Variants in DNAH6 observed in about 807,000 individuals in gnomAD.
The protein encoded by DNAH6 is dynein axonemal heavy chain 6.
Under a neutral mutation model 491.4 loss-of-function variants are expected in DNAH6, and 340 were observed. The observed-to-expected ratio is 0.69, with a 90% CI of 0.63 to 0.76. The LOEUF is 0.76. Among genes scored for constraint, DNAH6 ranks in the 30% least tolerant of loss-of-function variants. The pLI is 0.00. For synonymous variants in DNAH6, 1,603 were observed against 1,686.1 expected (o/e 0.95, Z 1.21); for missense variants, 4,443 against 4,972.2 (o/e 0.89, Z 3.20).
intron 2 of DNAH6, among the ~76,000 whole-genome samples, chr2:84,521,269 C>CT (rs549603901): frequency 2.8e-4 from 43 of 151,618 alleles, no homozygotes; most frequent in African/African-American, 8.0e-4. Flanking sequence ...ATGTCTATGT[C>CT]TTTTTTTGAA....
chr2:84,571,282 G>C (rs1033285275), intron 11 of DNAH6, among the ~76,000 whole-genome samples: 17 of 152,264 alleles, frequency 1.1e-4, no homozygotes, highest in African/African-American at 4.1e-4. Flanking sequence ...AAATGCGTAT[G>C]CAAAAGTATA....
Position 84,594,941 on chromosome 2 carries a change from T to G in DNAH6, c.2725-705T>G, listed in dbSNP as rs113219235. Among the ~76,000 whole-genome samples the G allele has an allele frequency of 6.3e-3, 962 of 152,304 alleles. 9 individuals carry two copies. Among genetic ancestry groups the G allele is most frequent in the African/African-American group, 0.022 (902 of 41,574 alleles). ...CACCAGACAGTTTTAAGTGCTCTCC[T>G]TTAACTCATTTATCAATTATCTCAG... On this transcript the variant is annotated intron_variant, in intron 17 of 76. Coordinates refer to ENST00000389394, the MANE Select transcript of DNAH6 (RefSeq NM_001370.2).
At chr2:84,624,433 A>G (rs1251789128) in intron 27 of DNAH6, 32 bp from the exon 28 acceptor site, 16 of 1,549,090 alleles carry the variant, frequency 1.0e-5, no homozygotes, top group Admixed American at 4.0e-5. Context: ...TCTTTCTGAA[A>G]TTAGTGTATC....
intron 33 of DNAH6, among the ~76,000 whole-genome samples, chr2:84,652,088 A>G (rs1039792758): frequency 6.6e-6 from 1 of 152,078 alleles, no homozygotes; most frequent in Admixed American, 6.6e-5. Context: ...TTTCTATTCT[A>G]ATAATGAATA....
At chr2:84,477,350 A>G in the DNAH6 span, among the ~76,000 whole-genome samples, 1 of 152,230 alleles carries the variant, frequency 6.6e-6, no homozygotes, top group South Asian at 2.1e-4. Flanking sequence ...CAGCAAGTCT[A>G]GACACATTCC....
At chr2:84,750,891 G>T (rs1015898868) in intron 63 of DNAH6, 6 of 152,180 alleles carry the variant, frequency 3.9e-5, no homozygotes, top group African/African-American at 1.4e-4. Flanking sequence ...CCTTACCCAG[G>T]TTATGATACC....
intron 33 of DNAH6, among the ~76,000 whole-genome samples, chr2:84,651,990 A>G (rs1166478857): frequency 6.6e-6 from 1 of 152,048 alleles, no homozygotes; most frequent in Non-Finnish European, 1.5e-5. Context: ...CTATTATATA[A>G]GATGGTACTT....
chr2:84,477,434 T>C, the DNAH6 span, among the ~76,000 whole-genome samples: 1 of 152,148 alleles, frequency 6.6e-6, no homozygotes, highest in Admixed American at 6.6e-5. Context: ...CCAATACTAT[T>C]TAAGATGGCG....
intron 62 of DNAH6, among the ~76,000 whole-genome samples, 162 bp downstream of exon 62, chr2:84,733,741 T>C (rs1699299822): frequency 6.6e-6 from 1 of 152,208 alleles, no homozygotes; most frequent in African/African-American, 2.4e-5. Context: ...ATTTCTTGAG[T>C]CGAATGCTTG....
intron 5 of DNAH6, among the ~76,000 whole-genome samples, chr2:84,546,116 A>G (rs776593941): frequency 7.2e-5 from 11 of 152,210 alleles, no homozygotes; most frequent in East Asian, 5.8e-4. Flanking sequence ...GCAACCACTA[A>G]TCTACTTTCT....
At position 84,803,003 on chromosome 2, in the gene DNAH6, T is replaced by G. The variant is rs186504438; in HGVS notation, c.11482-2662T>G. On this transcript the variant is annotated intron_variant, in intron 70 of 76. Transcript: ENST00000389394. ...TTAAGGCAAAAATCAAAAAATTATT[T>G]GAAACAAATGAACATAAGAGACCCA... 4.0e-3 allele frequency among the ~76,000 whole-genome samples: 605 copies of G among 152,190 alleles called. 6 individuals carry two copies. Among genetic ancestry groups the G allele is most frequent in the African/African-American group, 0.014 (569 of 41,522 alleles).
chr2:84,721,360 G>C (rs888488883), intron 59 of DNAH6, among the ~76,000 whole-genome samples: 1 of 152,060 alleles, frequency 6.6e-6, no homozygotes, highest in Non-Finnish European at 1.5e-5. Flanking sequence ...GCTCCCTAAG[G>C]GGTTATTACA....
intron 11 of DNAH6, among the ~76,000 whole-genome samples, chr2:84,572,675 T>C (rs1002316551): frequency 1.3e-5 from 2 of 152,244 alleles, no homozygotes; most frequent in African/African-American, 4.8e-5. Flanking sequence ...TTCCCTAGCA[T>C]TGGTGTGTTG....
chr2:84,791,660 TTATA>T (rs1033692016), intron 68 of DNAH6, among the ~76,000 whole-genome samples: 1 of 149,538 alleles, frequency 6.7e-6, no homozygotes, highest in Non-Finnish European at 1.5e-5. Context: ...ATATATATAA[TTATA>T]TATATAAGAA....
chr2:84,784,129 C>T (rs1474978728), intron 65 of DNAH6, among the ~76,000 whole-genome samples: 1 of 152,170 alleles, frequency 6.6e-6, no homozygotes, highest in South Asian at 2.1e-4. Context: ...AATGATTTTT[C>T]CAACTTTACT....
Position 84,766,111 on chromosome 2 carries a change from C to A in DNAH6, c.10703+3166C>A, listed in dbSNP as rs564987024. ...ATACAAGAAAAAATTGATAAATCAA[C>A]ATTAATATGGAAAATTTTAACACAT... On this transcript the variant is annotated intron_variant, in intron 64 of 76. Coordinates refer to ENST00000389394, the MANE Select transcript of DNAH6 (RefSeq NM_001370.2). 2.8e-3 allele frequency among the ~76,000 whole-genome samples: 423 copies of A among 152,118 alleles called. 3 individuals are homozygous for A. The highest frequency in any genetic ancestry group is 9.9e-3 in the African/African-American group (411 of 41,528).
intron 15 of DNAH6, among the ~76,000 whole-genome samples, chr2:84,586,506 G>C (rs1254646309): frequency 1.3e-5 from 2 of 152,180 alleles, no homozygotes; most frequent in Admixed American, 6.5e-5. Flanking sequence ...TGTGGATGTA[G>C]TTTATTCATG....
At chr2:84,519,649 T>G (rs1573481553) in intron 2 of DNAH6, among the ~76,000 whole-genome samples, 1 of 147,580 alleles carries the variant, frequency 6.8e-6, no homozygotes, top group East Asian at 2.1e-4. Context: ...CTCCTCTTCC[T>G]TCTTCTTTTC....
rs139193754 is a variant in DNAH6, at chr2:84,554,471, G to T, written c.1602+1437G>T. Among the ~76,000 whole-genome samples, 18 of 152,306 alleles carry T rather than the reference G, an allele frequency of 1.2e-4. 1 individual carries two copies. In the East Asian group the frequency reaches 2.7e-3, roughly 23 times the overall value. ...AAACCAGTCAATGTCTGTATCTTCT[G>T]TTGTTAGCTGCTGTACTCTGATTCA... On this transcript the variant is annotated intron_variant, in intron 10 of 76. Transcript: ENST00000389394.
Sources: gnomAD v4.1 joint callset for allele counts (sites outside exome capture counted in the v4.1 genomes callset) on GRCh38, gnomAD v4.1.1 for gene constraint, MANE v1.5 for transcripts, NCBI Gene and HGNC (gene_info 2026-07-23, HGNC 2026-07-21) for gene names.